Variants in SNX7 observed in about 807,000 individuals in gnomAD.
SNX7 encodes sorting nexin-7.
A neutral mutation model predicts 48.4 loss-of-function variants in SNX7; 35 were observed. That is an observed-to-expected ratio of 0.72 (90% CI 0.55 to 0.96). SNX7 has a LOEUF of 0.96. Ranked by LOEUF, SNX7 falls within the 40% of genes least tolerant of loss-of-function variation. The probability of loss-of-function intolerance (pLI) is 0.00; values close to 1 mark genes in which losing one functional copy is unlikely to be tolerated. For synonymous variants in SNX7, 190 were observed against 190.2 expected, an observed-to-expected ratio of 1.00 and a Z score of 0.01; for missense variants, 553 against 548.9, an observed-to-expected ratio of 1.01 and a Z score of -0.07.
In SNX7 at chr1:98,753,777, G is replaced by A. The variant is rs193234962; in HGVS notation, c.1279-6277G>A. Among the ~76,000 whole-genome samples the A allele has an allele frequency of 5.9e-3, 893 of 152,096 alleles. 5 individuals carry two copies. Among genetic ancestry groups the A allele is most frequent in the Middle Eastern group, 0.027 (8 of 294 alleles). ...TTCTCTAAATGTAAAGTGTGGTGCT[G>A]TTCCTGTCAGCCCTTTCAACCCAGT... On this transcript the variant is annotated intron_variant, in intron 8 of 8. Coordinates refer to ENST00000306121, the MANE Select transcript of SNX7 (RefSeq NM_015976.5).
At chr1:98,715,234 G>C (rs749806067) in intron 7 of SNX7, among the ~76,000 whole-genome samples, 24 of 152,100 alleles carry the variant, frequency 1.6e-4, no homozygotes, top group Non-Finnish European at 3.2e-4. Flanking sequence ...TACATTTGAA[G>C]ATTATTTTGT....
intron 8 of SNX7, among the ~76,000 whole-genome samples, chr1:98,754,391 G>T (rs538715271): frequency 6.6e-6 from 1 of 152,140 alleles, no homozygotes; most frequent in Admixed American, 6.6e-5. Context: ...TTTTCTGGAA[G>T]AGATTATATG....
At chr1:98,744,606 A>G (rs926017245) in intron 8 of SNX7, among the ~76,000 whole-genome samples, 5 of 152,128 alleles carry the variant, frequency 3.3e-5, no homozygotes, top group Admixed American at 6.6e-5. Flanking sequence ...AAACTGTGTA[A>G]TGGAAACTAA....
intron 7 of SNX7, among the ~76,000 whole-genome samples, chr1:98,724,632 T>A (rs1490082547): frequency 1.3e-5 from 2 of 152,164 alleles, no homozygotes; most frequent in African/African-American, 2.4e-5. Context: ...GATGCTTATT[T>A]GCTCTAGTTC....
intron 7 of SNX7, among the ~76,000 whole-genome samples, chr1:98,719,867 A>G (rs1475870213): frequency 1.2e-5 from 1 of 81,460 alleles, no homozygotes; most frequent in Non-Finnish European, 2.6e-5. Context: ...TCAACTATAT[A>G]TATAAAATAT....
intron 1 of SNX7, among the ~76,000 whole-genome samples, chr1:98,669,889 C>G (rs374166466): frequency 1.4e-4 from 21 of 152,174 alleles, no homozygotes; most frequent in African/African-American, 4.8e-4. Flanking sequence ...TATTATTTCT[C>G]TTTTCCAAAA....
intron 8 of SNX7, among the ~76,000 whole-genome samples, chr1:98,759,513 A>G (rs770662260): frequency 6.6e-6 from 1 of 152,094 alleles, no homozygotes; most frequent in Non-Finnish European, 1.5e-5. Context: ...CCATCATAAC[A>G]GTTGCTAACT....
At chr1:98,756,801 C>A (rs1048248137) in intron 8 of SNX7, among the ~76,000 whole-genome samples, 2 of 151,938 alleles carry the variant, frequency 1.3e-5, no homozygotes, top group Admixed American at 1.3e-4. Flanking sequence ...ACCATGGCCT[C>A]GAAATTCTGT....
intron 1 of SNX7, chr1:98,662,314 TG>T: frequency 5.9e-6 from 1 of 170,372 alleles, no homozygotes; most frequent in East Asian, 1.6e-4. Flanking sequence ...CCCTGAACTC[TG>T]GGAGAGCAGC....
At chr1:98,753,711 G>A (rs563653527) in intron 8 of SNX7, among the ~76,000 whole-genome samples, 15 of 152,138 alleles carry the variant, frequency 9.9e-5, no homozygotes, top group South Asian at 4.1e-4. Flanking sequence ...AAACCAGAGC[G>A]GTCTAGTAGA....
chr1:98,726,147 A>G (rs1482933618), intron 7 of SNX7, among the ~76,000 whole-genome samples: 1 of 152,146 alleles, frequency 6.6e-6, no homozygotes, highest in Non-Finnish European at 1.5e-5. Flanking sequence ...CTCTGAAGGA[A>G]ATGACCTTGT....
At chr1:98,690,534 T>C (rs563663913) in intron 2 of SNX7, among the ~76,000 whole-genome samples, 2 of 152,196 alleles carry the variant, frequency 1.3e-5, no homozygotes, top group East Asian at 3.9e-4. Context: ...TTTTAAACAG[T>C]GGTAAAATCA....
intron 7 of SNX7, 49 bp downstream of exon 7, chr1:98,701,952 A>T (rs1175478108): frequency 6.0e-6 from 8 of 1,326,408 alleles, no homozygotes; most frequent in Non-Finnish European, 8.5e-6. Context: ...CATTGTCTAA[A>T]ATTTTTATTA....
chr1:98,718,366 C>T (rs1201655805), intron 7 of SNX7, among the ~76,000 whole-genome samples: 1 of 152,032 alleles, frequency 6.6e-6, no homozygotes, highest in African/African-American at 2.4e-5. Flanking sequence ...AATATATACA[C>T]ACATCAGGAA....
chr1:98,757,511 G>A (rs1654909763), intron 8 of SNX7, among the ~76,000 whole-genome samples: 4 of 151,824 alleles, frequency 2.6e-5, no homozygotes, highest in African/African-American at 4.8e-5. Flanking sequence ...TTGGATTAGG[G>A]CTCACCCACA....
At chr1:98,693,482 G>A (rs1232965928) in intron 4 of SNX7, among the ~76,000 whole-genome samples, 2 of 152,170 alleles carry the variant, frequency 1.3e-5, no homozygotes, top group Non-Finnish European at 2.9e-5. Context: ...AGCCCTTTGT[G>A]ACTTATGTGA....
intron 1 of SNX7, among the ~76,000 whole-genome samples, chr1:98,665,531 CAT>C (rs1332537925): frequency 2.6e-5 from 4 of 152,088 alleles, no homozygotes; most frequent in African/African-American, 9.7e-5. Flanking sequence ...GTTATAATGA[CAT>C]GATTGAGCAA....
intron 1 of SNX7, among the ~76,000 whole-genome samples, chr1:98,680,680 G>T (rs1011626439): frequency 6.6e-6 from 1 of 152,000 alleles, no homozygotes; most frequent in African/African-American, 2.4e-5. Context: ...AATCTCTAGG[G>T]CAGGGGCAAA....
intron 8 of SNX7, among the ~76,000 whole-genome samples, chr1:98,746,871 C>T (rs897894521): frequency 6.6e-6 from 1 of 151,778 alleles, no homozygotes. Flanking sequence ...TAACTAGTTT[C>T]TTTCTGCAGG....
Sources: allele counts gnomAD v4.1 joint callset (sites outside exome capture counted in the v4.1 genomes callset), GRCh38; gene constraint gnomAD v4.1.1; transcripts MANE v1.5; gene names NCBI Gene and HGNC (gene_info 2026-07-23, HGNC 2026-07-21).